The following BZW1 variants were observed in gnomAD, a reference collection of about 807,000 sequenced individuals.
The protein encoded by BZW1 is eIF5-mimic protein 2.
A neutral mutation model predicts 54.1 loss-of-function variants in BZW1; 3 were observed. That is an observed-to-expected ratio of 0.06 (90% CI 0.03 to 0.14). The LOEUF is 0.14. Ranked by LOEUF, BZW1 falls within the 10% of genes least tolerant of loss-of-function variation. The pLI is 1.00. For missense variants in BZW1, 206 were observed against 491.7 expected, an observed-to-expected ratio of 0.42 and a Z score of 5.50; for synonymous variants, 152 against 162.7, an observed-to-expected ratio of 0.93 and a Z score of 0.50.
rs1355842361 is a variant in BZW1 at position 200,825,633 on chromosome 2, T to A, written c.*3455T>A. 1.3e-5 allele frequency: 2 copies of A among 152,198 alleles called. No individual in the cohort carries two copies. The highest frequency in any genetic ancestry group is 2.9e-5 in the Non-Finnish European group (2 of 68,030). The allele number at this position is 152,198 out of a possible 1,614,324, so 9.4% of individuals were successfully genotyped here. A position where few individuals can be genotyped will look rare whatever the true frequency, so the allele number is the denominator to read the frequency against. ...GCTGTCTTTCAAGGTCTTAACAGAT[T>A]CTTTCTTGATTATAAATGTATTACT... On this transcript the variant is annotated 3_prime_UTR_variant, in exon 12 of 12. Transcript: ENST00000409600.
chr2:200,814,062 A>T (rs1409184252), intron 2 of BZW1, among the ~76,000 whole-genome samples: 1 of 152,186 alleles, frequency 6.6e-6, no homozygotes, highest in African/African-American at 2.4e-5. Flanking sequence ...GTCCCCTTGT[A>T]GTAGTGGTGG....
At chr2:200,818,610 G>C in intron 8 of BZW1, 145 bp from the exon 9 acceptor site, 1 of 1,061,540 alleles carries the variant, frequency 9.4e-7, no homozygotes, top group Non-Finnish European at 1.3e-6. Context: ...CAGTTGTAAA[G>C]GTCTCTTTTT....
chr2:200,812,102 G>A, intron 1 of BZW1, 112 bp downstream of exon 1: 1 of 643,156 alleles, frequency 1.6e-6, no homozygotes, highest in Non-Finnish European at 2.2e-6. Flanking sequence ...GGGCCCGAAC[G>A]GAGGTCGCCT....
chr2:200,812,219 G>A, intron 1 of BZW1: 1 of 1,227,856 alleles, frequency 8.1e-7, no homozygotes, highest in Non-Finnish European at 1.0e-6. Context: ...GTGCGCCGCG[G>A]CGCTGGCTGC....
intron 1 of BZW1, chr2:200,812,501 G>C: frequency 7.2e-7 from 1 of 1,382,146 alleles, no homozygotes; most frequent in South Asian, 1.7e-5. Flanking sequence ...AGGGTCAGTG[G>C]AGAAAGAGCC....
chr2:200,815,572 A>G (rs754607840), intron 3 of BZW1, 55 bp downstream of exon 3: 193 of 1,604,904 alleles, frequency 1.2e-4, no homozygotes, highest in Non-Finnish European at 1.5e-4. Flanking sequence ...ATATATGGAG[A>G]TTATGGAGAG....
chr2:200,812,170 G>C (rs1267169784), intron 1 of BZW1, 180 bp downstream of exon 1: 2 of 1,177,942 alleles, frequency 1.7e-6, no homozygotes, highest in South Asian at 4.4e-5. Flanking sequence ...GGGAGGCCGA[G>C]GGGTAGCGGC....
At position 200,824,791 on chromosome 2, in the gene BZW1, C is replaced by G. The variant is rs774048521; in HGVS notation, c.*2613C>G. 1.5e-4 allele frequency: 22 copies of G among 151,608 alleles called. No individual in the cohort carries two copies. The highest frequency in any genetic ancestry group is 2.8e-4 in the Non-Finnish European group (19 of 67,944). 9.4% of individuals were successfully genotyped at this position (151,608 alleles called of 1,614,324 possible). A position where few individuals can be genotyped will look rare whatever the true frequency, so the allele number is the denominator to read the frequency against. On this transcript the variant is annotated 3_prime_UTR_variant, in exon 12 of 12. Coordinates refer to ENST00000409600, the MANE Select transcript of BZW1 (RefSeq NM_001207067.2). ...GGTTCACGCCATTCTCCTGCCTCAG[C>G]CTCCCGAGTAGCTGGGACTACAGGC... is the stretch of plus-strand genomic sequence containing the variant.
chr2:200,815,251 T>C (rs2038241420), intron 2 of BZW1, 90 bp from the exon 3 acceptor site: 7 of 1,298,282 alleles, frequency 5.4e-6, no homozygotes, highest in Non-Finnish European at 7.3e-6. Context: ...ATCTAACTTA[T>C]TTAACAATTG....
At chr2:200,814,039 T>C (rs976900733) in intron 2 of BZW1, among the ~76,000 whole-genome samples, 1 of 152,230 alleles carries the variant, frequency 6.6e-6, no homozygotes, top group Non-Finnish European at 1.5e-5. Context: ...AAATCACTAA[T>C]CATAGGCTGT....
chr2:200,826,401 ATAGATATTT>A lies in BZW1; in HGVS notation c.*4225_*4233del, dbSNP rs2038696928. ...GATAGATAGATAGATAGATAGATAG[ATAGATATTT>A]TTTTTTTTTTTTTTTTTTTTTTTTT... On this transcript the variant is annotated 3_prime_UTR_variant, in exon 12 of 12. Coordinates refer to ENST00000409600, the MANE Select transcript of BZW1 (RefSeq NM_001207067.2). 14 of 65,240 alleles carry A rather than the reference ATAGATATTT, an allele frequency of 2.1e-4. No individual in the cohort carries two copies. The highest frequency in any genetic ancestry group is 6.1e-4 in the African/African-American group (11 of 18,150). The allele number at this position is 65,240 out of a possible 1,614,324, so 4.0% of individuals were successfully genotyped here.
chr2:200,818,261 C>G lies in BZW1; in HGVS notation c.687C>G (p.Phe229Leu), dbSNP rs2038367180. The change falls in exon 8 of 12, where the codon TTC (phenylalanine) becomes TTG (leucine). Residue 229 changes from phenylalanine (F) to leucine (L), a missense_variant. By Grantham distance (22) the Phe-to-Leu change is conservative (BLOSUM62 0). Transcript: ENST00000409600. ...CCAATAAGCAAAGTGTTGAACACTT[C>G]ACAAAATATTTTACTGAGGCAGGCT... ...FPANKQSVEH[F>L]TKYFTEAGLK... is the part of the protein sequence containing the mutation. The G allele has an allele frequency of 6.2e-7, 1 of 1,602,572 alleles. No homozygotes were observed. Among genetic ancestry groups the G allele is most frequent in the Admixed American group, 1.8e-5 (1 of 56,892 alleles).
rs2038716171 is a variant in BZW1 at position 200,826,905 on chromosome 2, A to G, written c.*4727A>G. 6.6e-6 allele frequency: 1 copy of G among 151,878 alleles called. No homozygotes were observed. The highest frequency in any genetic ancestry group is 1.5e-5 in the Non-Finnish European group (1 of 67,974). 9.4% of individuals were successfully genotyped at this position (151,878 alleles called of 1,614,324 possible). A position where few individuals can be genotyped will look rare whatever the true frequency, so the allele number is the denominator to read the frequency against. On this transcript the variant is annotated 3_prime_UTR_variant, in exon 12 of 12. Coordinates refer to ENST00000409600, the MANE Select transcript of BZW1 (RefSeq NM_001207067.2). ...GGCAAAACAAGCTAGGAGCTAGTTC[A>G]TGCTAATATTCTTAAGGACAAAAAT...
chr2:200,811,841 A>C (rs1009427556), upstream of BZW1: 4 of 167,368 alleles, frequency 2.4e-5, no homozygotes, highest in Non-Finnish European at 3.8e-5. Flanking sequence ...AGGGCGGGGC[A>C]AGGGGAAGAA....
rs1050401243 is a variant in BZW1 at position 200,811,953 on chromosome 2, C to T, written c.-48C>T. 9.8e-6 allele frequency: 3 copies of T among 306,782 alleles called. No individual in the cohort carries two copies. Among genetic ancestry groups the T allele is most frequent in the Admixed American group, 5.1e-5 (1 of 19,712 alleles). The allele number at this position is 306,782 out of a possible 1,614,324, so 19.0% of individuals were successfully genotyped here. A position where few individuals can be genotyped will look rare whatever the true frequency, so the allele number is the denominator to read the frequency against. On this transcript the variant is annotated 5_prime_UTR_variant, in exon 1 of 12. Transcript: ENST00000409600. ...GACACCGCCGCAGTTGCCGGTACAT[C>T]GGGGATTTCTGGCTCTTTCCTCTTC...
At position 200,816,300 on chromosome 2, in the gene BZW1, T is replaced by C. The variant is rs536419992; in HGVS notation, c.337-25T>C. ...CTATTCTAGAAATATATGAAGTTAC[T>C]GAATTCATTTAATGTTCTTCATAGG... On this transcript the variant is annotated intron_variant, in intron 4 of 11. Coordinates refer to ENST00000409600, the MANE Select transcript of BZW1 (RefSeq NM_001207067.2). The C allele has an allele frequency of 4.0e-5, 61 of 1,519,428 alleles. No homozygotes were observed. In the East Asian group the frequency reaches 1.4e-3, roughly 34 times the overall value. The allele number at this position is 1,519,428 out of a possible 1,614,324, so 94.1% of individuals were successfully genotyped here. A position where few individuals can be genotyped will look rare whatever the true frequency, so the allele number is the denominator to read the frequency against.
At chr2:200,812,719 C>G in intron 1 of BZW1, 1 of 794,826 alleles carries the variant, frequency 1.3e-6, no homozygotes, top group South Asian at 1.5e-5. Flanking sequence ...CTGTTGCGGT[C>G]ACAGGCATGA....
rs146199590 is a variant in BZW1 at position 200,818,911 on chromosome 2, C to G, written c.966+10C>G. Reference sequence around the variant, plus strand: ...CATCAAGCACTTGAAGGTATTAGAACTATGCCTTGACAAAACAAACTATTC... The same window carrying G: ...CATCAAGCACTTGAAGGTATTAGAAGTATGCCTTGACAAAACAAACTATTC... On this transcript the variant is annotated intron_variant, in intron 9 of 11. Coordinates refer to ENST00000409600, the MANE Select transcript of BZW1 (RefSeq NM_001207067.2). 8.9e-5 allele frequency: 138 copies of G among 1,554,196 alleles called. 1 individual carries two copies. The East Asian group carries it at 3.1e-3, about 34-fold the overall frequency.
chr2:200,812,504 A>G (rs2038111130), intron 1 of BZW1: 1 of 1,378,140 alleles, frequency 7.3e-7, no homozygotes, highest in Non-Finnish European at 9.4e-7. Flanking sequence ...GTCAGTGGAG[A>G]AAGAGCCGCG....
Sources: gnomAD v4.1 joint callset for allele counts (sites outside exome capture counted in the v4.1 genomes callset) on GRCh38, gnomAD v4.1.1 for gene constraint, MANE v1.5 for transcripts, NCBI Gene and HGNC (gene_info 2026-07-23, HGNC 2026-07-21) for gene names.